CNTNAP2: variants seen among roughly 807,000 people sequenced by gnomAD.
CNTNAP2 encodes contactin associated protein 2.
CNTNAP2 carries 98 observed loss-of-function variants against 155.2 expected under a neutral mutation model. That is an observed-to-expected ratio of 0.63 (90% confidence interval 0.54 to 0.75). The LOEUF is 0.75. Ranked by LOEUF, CNTNAP2 falls within the 30% of genes least tolerant of loss-of-function variation. The probability of loss-of-function intolerance (pLI) is 0.00; values close to 1 mark genes in which losing one functional copy is unlikely to be tolerated. For synonymous variants in CNTNAP2, 651 were observed against 631.2 expected, an observed-to-expected ratio of 1.03 and a Z score of -0.47; for missense variants, 1,727 against 1,688.1, an observed-to-expected ratio of 1.02 and a Z score of -0.40.
chr7:146,644,364 A>C (rs1799772015), intron 1 of CNTNAP2, among the ~76,000 whole-genome samples: 1 of 152,120 alleles, frequency 6.6e-6, no homozygotes, highest in Non-Finnish European at 1.5e-5. Context: ...TTTAGCATGA[A>C]GGGTTGTTGA....
At position 147,858,366 on chromosome 7, in the gene CNTNAP2, C is replaced by T. The variant is rs542748555; in HGVS notation, c.2099-45199C>T. On this transcript the variant is annotated intron_variant, in intron 13 of 23. Coordinates refer to ENST00000361727, the MANE Select transcript of CNTNAP2 (RefSeq NM_014141.6). The stretch of plus-strand genomic sequence containing the variant: ...CCTCCCAAAGTGCTGGGATGACAGG[C>T]GTAAGCCACTGCGCCCGGCCTAATC... 1.7e-3 allele frequency among the ~76,000 whole-genome samples: 255 copies of T among 152,318 alleles called. 1 individual carries two copies. The highest frequency in any genetic ancestry group is 5.8e-3 in the African/African-American group (242 of 41,578).
chr7:146,818,141 T>C (rs374103283), intron 2 of CNTNAP2, among the ~76,000 whole-genome samples: 3 of 152,296 alleles, frequency 2.0e-5, no homozygotes, highest in Admixed American at 6.5e-5. Context: ...ACTTTAAAGA[T>C]TCTATTGATT....
chr7:146,415,529 A>G (rs1271563822), intron 1 of CNTNAP2, among the ~76,000 whole-genome samples: 1 of 152,146 alleles, frequency 6.6e-6, no homozygotes, highest in Non-Finnish European at 1.5e-5. Context: ...TGTAATGCTT[A>G]ATGAACTCTT....
intron 2 of CNTNAP2, among the ~76,000 whole-genome samples, chr7:146,814,838 A>G (rs1307739884): frequency 1.3e-5 from 2 of 152,188 alleles, no homozygotes; most frequent in Non-Finnish European, 2.9e-5. Context: ...TTCTGGTATG[A>G]TCAAATTGAT....
At chr7:146,932,563 C>G (rs1165314050) in intron 3 of CNTNAP2, among the ~76,000 whole-genome samples, 2 of 152,100 alleles carry the variant, frequency 1.3e-5, no homozygotes, top group Non-Finnish European at 2.9e-5. Context: ...TCCTATTCAA[C>G]ATAGTGTTGG....
At chr7:148,414,067 TTTC>T (rs960767819) in intron 23 of CNTNAP2, among the ~76,000 whole-genome samples, 10 of 149,338 alleles carry the variant, frequency 6.7e-5, no homozygotes, top group African/African-American at 2.0e-4. Flanking sequence ...CCAGTATTTT[TTTC>T]TTTTTCCATT....
chr7:147,651,475 G>T (rs1367368103), intron 13 of CNTNAP2, among the ~76,000 whole-genome samples: 1 of 152,220 alleles, frequency 6.6e-6, no homozygotes, highest in East Asian at 1.9e-4. Context: ...AGTCAACAAA[G>T]ATGACTTTTA....
At position 146,792,302 on chromosome 7, in the gene CNTNAP2, A is replaced by G. The variant is rs150283512; in HGVS notation, c.208+17921A>G. On this transcript the variant is annotated intron_variant, in intron 2 of 23. Transcript: ENST00000361727. Reference sequence around the variant, plus strand: ...AACACTCTGCTACATGTAAATCTGAACTATTTATTTTAGGCAAAATGGCAT... The same window carrying G: ...AACACTCTGCTACATGTAAATCTGAGCTATTTATTTTAGGCAAAATGGCAT... Among the ~76,000 whole-genome samples, 228 of 152,306 alleles carry G rather than the reference A, an allele frequency of 1.5e-3. 1 individual carries two copies. Among genetic ancestry groups the G allele is most frequent in the African/African-American group, 5.3e-3 (221 of 41,574 alleles).
At chr7:147,501,391 G>T (rs1798808964) in intron 11 of CNTNAP2, among the ~76,000 whole-genome samples, 1 of 151,930 alleles carries the variant, frequency 6.6e-6, no homozygotes, top group African/African-American at 2.4e-5. Flanking sequence ...AGAGCAATTG[G>T]GTAAGAAGAA....
intron 10 of CNTNAP2, among the ~76,000 whole-genome samples, chr7:147,483,728 T>C (rs1798465172): frequency 1.3e-5 from 2 of 152,232 alleles, no homozygotes; most frequent in Non-Finnish European, 2.9e-5. Flanking sequence ...GATGTTTTAG[T>C]TTCATGTAAT....
intron 15 of CNTNAP2, among the ~76,000 whole-genome samples, chr7:147,979,126 A>G (rs2116866902): frequency 6.6e-6 from 1 of 152,346 alleles, no homozygotes; most frequent in Middle Eastern, 3.4e-3. Flanking sequence ...TGAGGTTGTC[A>G]GCAATTAAGC....
intron 3 of CNTNAP2, among the ~76,000 whole-genome samples, chr7:146,928,081 A>G (rs1796646346): frequency 6.6e-6 from 1 of 151,582 alleles, no homozygotes; most frequent in Admixed American, 6.6e-5. Context: ...TGGGCTGGCT[A>G]CTCCTGGTAT....
intron 2 of CNTNAP2, among the ~76,000 whole-genome samples, chr7:146,829,443 T>C (rs963709454): frequency 6.6e-6 from 1 of 152,126 alleles, no homozygotes; most frequent in South Asian, 2.1e-4. Flanking sequence ...GTTTCAAATA[T>C]GTTAAAATCA....
intron 4 of CNTNAP2, among the ~76,000 whole-genome samples, chr7:147,092,612 G>A (rs1016438226): frequency 3.3e-5 from 5 of 152,094 alleles, no homozygotes; most frequent in Admixed American, 3.3e-4. Flanking sequence ...CAATTTTTAA[G>A]CAGAATATTT....
chr7:147,306,995 A>G (rs1019249260), intron 9 of CNTNAP2, among the ~76,000 whole-genome samples: 34 of 152,366 alleles, frequency 2.2e-4, no homozygotes, highest in African/African-American at 7.7e-4. Context: ...TTCCCTTTCC[A>G]AAATTACATG....
At chr7:147,539,871 C>T (rs1799609320) in intron 11 of CNTNAP2, among the ~76,000 whole-genome samples, 1 of 152,166 alleles carries the variant, frequency 6.6e-6, no homozygotes, top group Non-Finnish European at 1.5e-5. Context: ...GATCGTATTT[C>T]AAGACCATGT....
intron 1 of CNTNAP2, among the ~76,000 whole-genome samples, chr7:146,364,028 T>G (rs7812290): frequency 0.51 from 76,874 of 151,988 alleles, 23,647 homozygotes; most frequent in African/African-American, 0.87. Flanking sequence ...GCTTGCAGGG[T>G]TGATAAAGGA....
At chr7:146,964,100 G>A (rs1460525488) in intron 3 of CNTNAP2, among the ~76,000 whole-genome samples, 1 of 152,162 alleles carries the variant, frequency 6.6e-6, no homozygotes, top group African/African-American at 2.4e-5. Flanking sequence ...ATCTATTAAA[G>A]TCCTATTTGT....
chr7:147,472,204 C>CTTTTTTTTTTTTTTTTTT (rs542047274), intron 10 of CNTNAP2, among the ~76,000 whole-genome samples: 21 of 81,070 alleles, frequency 2.6e-4, no homozygotes, highest in African/African-American at 1.1e-3. Context: ...TCTTTTTTTC[C>CTTTTTTTTTTTTTTTTTT]TTTTTTTTTT....
Sources: gnomAD v4.1 joint callset for allele counts (sites outside exome capture counted in the v4.1 genomes callset) on GRCh38, gnomAD v4.1.1 for gene constraint, MANE v1.5 for transcripts, NCBI Gene and HGNC (gene_info 2026-07-23, HGNC 2026-07-21) for gene names.